TAB2: variants seen among roughly 807,000 people sequenced by gnomAD.
The protein encoded by TAB2 is TGF-beta-activated kinase 1 and MAP3K7-binding protein 2.
Under a neutral mutation model 65.0 loss-of-function variants are expected in TAB2, and 3 were observed. That is an observed-to-expected ratio of 0.05 (90% confidence interval 0.02 to 0.12). TAB2 has a LOEUF of 0.12. Ranked by LOEUF, TAB2 falls within the 10% of genes least tolerant of loss-of-function variation. TAB2 has a pLI of 1.00. For synonymous variants in TAB2, 298 were observed against 285.1 expected, an observed-to-expected ratio of 1.05 and a Z score of -0.46; for missense variants, 623 against 840.3, an observed-to-expected ratio of 0.74 and a Z score of 3.20.
At chr6:149,281,665 G>T (rs1019566311) in intron 1 of TAB2, among the ~76,000 whole-genome samples, 1 of 151,392 alleles carries the variant, frequency 6.6e-6, no homozygotes, top group African/African-American at 2.4e-5. Context: ...AAACTGCAAG[G>T]TGATCAATTT....
At chr6:149,311,743 T>C (rs1298665465) in intron 1 of TAB2, among the ~76,000 whole-genome samples, 2 of 70,208 alleles carry the variant, frequency 2.8e-5, no homozygotes, top group African/African-American at 9.1e-5. Context: ...GTTATCAATA[T>C]GCCATGTTCT....
At chr6:149,304,875 C>G (rs1779034122) in intron 1 of TAB2, among the ~76,000 whole-genome samples, 1 of 152,126 alleles carries the variant, frequency 6.6e-6, no homozygotes, top group African/African-American at 2.4e-5. Flanking sequence ...TATAAAATGA[C>G]ATAGTATCTT....
intron 1 of TAB2, among the ~76,000 whole-genome samples, chr6:149,308,854 G>A (rs527010): frequency 0.44 from 66,362 of 151,840 alleles, 15,095 homozygotes; most frequent in African/African-American, 0.59. Context: ...AATTCTCTGT[G>A]CCTTGTGGGG....
At chr6:149,407,386 A>G (rs953660811) in intron 6 of TAB2, among the ~76,000 whole-genome samples, 1 of 152,180 alleles carries the variant, frequency 6.6e-6, no homozygotes, top group Admixed American at 6.5e-5. Flanking sequence ...GTTATTTCAC[A>G]TAAGTGAAAT....
chr6:149,326,580 C>T (rs1449126473), intron 1 of TAB2, among the ~76,000 whole-genome samples: 1 of 150,346 alleles, frequency 6.7e-6, no homozygotes, highest in Non-Finnish European at 1.5e-5. Context: ...CGGGGTCTTG[C>T]TCTTTTGTCC....
At chr6:149,291,049 TG>T (rs977437306) in intron 1 of TAB2, among the ~76,000 whole-genome samples, 3 of 152,180 alleles carry the variant, frequency 2.0e-5, no homozygotes, top group Non-Finnish European at 4.4e-5. Context: ...TACAAAATAA[TG>T]GGATGTAAAT....
At chr6:149,357,431 ACACACACACACAC>A (rs1224392918) in intron 1 of TAB2, among the ~76,000 whole-genome samples, 2 of 54,350 alleles carry the variant, frequency 3.7e-5, no homozygotes, top group African/African-American at 8.9e-5. Context: ...GAAAAAAAAA[ACACACACACACAC>A]ACACACACAC....
At chr6:149,220,532 T>G (rs1315108768) in intron 1 of TAB2, among the ~76,000 whole-genome samples, 2 of 152,200 alleles carry the variant, frequency 1.3e-5, no homozygotes, top group Non-Finnish European at 2.9e-5. Context: ...TTACATCTAT[T>G]AATATCACTA....
chr6:149,316,014 A>T (rs535296672), upstream of TAB2, among the ~76,000 whole-genome samples: 80 of 152,366 alleles, frequency 5.3e-4, no homozygotes, highest in Non-Finnish European at 9.8e-4. Context: ...TAATGGTTTC[A>T]AAGACAAGTG....
intron 1 of TAB2, among the ~76,000 whole-genome samples, chr6:149,362,253 G>A (rs1045296388): frequency 6.6e-6 from 1 of 152,212 alleles, no homozygotes; most frequent in Non-Finnish European, 1.5e-5. Context: ...AATGAAAAGA[G>A]GTTTAATCGG....
rs866484269 is a variant in TAB2 at position 149,253,556 on chromosome 6, G to T, written c.-121+34780G>T. On this transcript the variant is annotated intron_variant, in intron 1 of 1. Transcript: ENST00000606202. Reference sequence around the variant, plus strand: ...AATCACTTGAACCTGGGAGGTGGAGGTTGCAGTGAGCCAAGATCGCACCAC... The same window carrying T: ...AATCACTTGAACCTGGGAGGTGGAGTTTGCAGTGAGCCAAGATCGCACCAC... Among the ~76,000 whole-genome samples the T allele has an allele frequency of 2.1e-5, 3 of 140,956 alleles. No homozygotes were observed. The South Asian group carries it at 6.7e-4, about 31-fold the overall frequency. 92.5% of individuals were successfully genotyped at this position (140,956 alleles called of 152,430 possible). A position where few individuals can be genotyped will look rare whatever the true frequency, so the allele number is the denominator to read the frequency against.
intron 1 of TAB2, among the ~76,000 whole-genome samples, chr6:149,260,270 G>A (rs1388726221): frequency 6.6e-6 from 1 of 152,210 alleles, no homozygotes; most frequent in East Asian, 1.9e-4. Flanking sequence ...AGCTGGCCAG[G>A]TGACCGTAAC....
intron 6 of TAB2, among the ~76,000 whole-genome samples, chr6:149,407,569 G>A (rs1782708090): frequency 6.6e-6 from 1 of 151,990 alleles, no homozygotes. Flanking sequence ...TGGCTGTTTT[G>A]GGAGAAATAA....
At chr6:149,387,638 A>C (rs1014883198) in intron 3 of TAB2, among the ~76,000 whole-genome samples, 1 of 152,202 alleles carries the variant, frequency 6.6e-6, no homozygotes, top group Non-Finnish European at 1.5e-5. Flanking sequence ...TCTACATAGA[A>C]GTCAACTGGA....
At chr6:149,264,278 C>T (rs767346152) in intron 1 of TAB2, among the ~76,000 whole-genome samples, 17 of 152,122 alleles carry the variant, frequency 1.1e-4, no homozygotes, top group Non-Finnish European at 2.5e-4. Context: ...GGAATGTGTG[C>T]CAGGGTCCCT....
At chr6:149,284,825 T>C (rs904169608) in intron 1 of TAB2, among the ~76,000 whole-genome samples, 1 of 152,308 alleles carries the variant, frequency 6.6e-6, no homozygotes. Context: ...TTTAAGCCTT[T>C]ATTTTTTTAA....
chr6:149,255,200 C>G (rs1324136918), intron 1 of TAB2: 1 of 152,170 alleles, frequency 6.6e-6, no homozygotes, highest in Admixed American at 6.5e-5. Context: ...TGGGACTGGT[C>G]CCGTTAGAAG....
chr6:149,321,173 A>G (rs1244945382), intron 1 of TAB2: 1 of 152,128 alleles, frequency 6.6e-6, no homozygotes, highest in Non-Finnish European at 1.5e-5. Context: ...AGGTTCTGAC[A>G]CTCTATATAT....
chr6:149,357,495 A>G (rs1780704457), intron 1 of TAB2, among the ~76,000 whole-genome samples: 1 of 141,174 alleles, frequency 7.1e-6, no homozygotes, highest in Non-Finnish European at 1.6e-5. Context: ...ATAAAGTAAT[A>G]GTAAAGACTC....
Sources: allele counts gnomAD v4.1 joint callset (sites outside exome capture counted in the v4.1 genomes callset), GRCh38; gene constraint gnomAD v4.1.1; transcripts MANE v1.5; gene names NCBI Gene and HGNC (gene_info 2026-07-23, HGNC 2026-07-21).